The following CTNNA2 variants were observed in gnomAD, a reference collection of about 807,000 sequenced individuals.
CTNNA2 encodes catenin alpha 2, also known as catenin alpha-2.
Under a neutral mutation model 101.0 loss-of-function variants are expected in CTNNA2, and 42 were observed. That is an observed-to-expected ratio of 0.42 (90% CI 0.32 to 0.54). The LOEUF is 0.54. CTNNA2 is among the 20% of genes least tolerant of loss of function. The probability of loss-of-function intolerance (pLI) is 0.14; values close to 1 mark genes in which losing one functional copy is unlikely to be tolerated. For missense variants in CTNNA2, 871 were observed against 1,223.1 expected, an observed-to-expected ratio of 0.71 and a Z score of 4.29; for synonymous variants, 450 against 456.4, an observed-to-expected ratio of 0.99 and a Z score of 0.18.
chr2:79,388,653 G>A (rs1010780912), intron 4 of CTNNA2, among the ~76,000 whole-genome samples: 3 of 152,066 alleles, frequency 2.0e-5, no homozygotes, highest in African/African-American at 7.2e-5. Flanking sequence ...CTACATTGCT[G>A]GGCTCCAGAC....
At chr2:79,669,681 T>C (rs1266454038) in intron 2 of CTNNA2, among the ~76,000 whole-genome samples, 3 of 152,046 alleles carry the variant, frequency 2.0e-5, no homozygotes, top group Admixed American at 2.0e-4. Flanking sequence ...AGAAGGTAGC[T>C]CCTCTCTGCT....
At chr2:79,434,502 A>G (rs984730479) in intron 4 of CTNNA2, among the ~76,000 whole-genome samples, 1 of 152,174 alleles carries the variant, frequency 6.6e-6, no homozygotes, top group Non-Finnish European at 1.5e-5. Flanking sequence ...CTTGATCAAT[A>G]TTATTCCTAA....
intron 9 of CTNNA2, among the ~76,000 whole-genome samples, chr2:80,529,130 A>G (rs1690299091): frequency 6.6e-6 from 1 of 152,196 alleles, no homozygotes; most frequent in Non-Finnish European, 1.5e-5. Context: ...ACACCAGAGT[A>G]GTTTTTATAG....
intron 6 of CTNNA2, among the ~76,000 whole-genome samples, chr2:79,876,909 A>G (rs1215811685): frequency 6.6e-6 from 1 of 152,180 alleles, no homozygotes; most frequent in Non-Finnish European, 1.5e-5. Context: ...ACATGAATAT[A>G]ACCATCAAAC....
intron 4 of CTNNA2, among the ~76,000 whole-genome samples, chr2:79,428,961 G>T (rs1428821533): frequency 6.6e-6 from 1 of 152,120 alleles, no homozygotes; most frequent in African/African-American, 2.4e-5. Context: ...AACCAGCTGG[G>T]AAGGGGCTAG....
At chr2:79,593,132 C>T (rs1005796420) in intron 1 of CTNNA2, among the ~76,000 whole-genome samples, 4 of 152,150 alleles carry the variant, frequency 2.6e-5, no homozygotes, top group African/African-American at 9.7e-5. Flanking sequence ...CATTCTAATT[C>T]CAGCTCCATC....
At chr2:79,631,817 T>C (rs541359612) in intron 1 of CTNNA2, among the ~76,000 whole-genome samples, 34 of 152,314 alleles carry the variant, frequency 2.2e-4, no homozygotes, top group Admixed American at 1.2e-3. Context: ...CCCACTGCCT[T>C]ACTGAAGCAT....
chr2:79,301,470 C>T (rs1381469540), intron 2 of CTNNA2, among the ~76,000 whole-genome samples: 2 of 152,150 alleles, frequency 1.3e-5, no homozygotes, highest in East Asian at 1.9e-4. Context: ...TTACTGTTGG[C>T]CCAAGCCATG....
At chr2:80,214,110 G>T (rs991151490) in intron 7 of CTNNA2, among the ~76,000 whole-genome samples, 5 of 152,174 alleles carry the variant, frequency 3.3e-5, no homozygotes, top group South Asian at 2.1e-4. Context: ...ATGTGTCTCT[G>T]CACATGAGAT....
chr2:80,639,539 GTC>G (rs1553418420), intron 18 of CTNNA2, among the ~76,000 whole-genome samples: 3 of 148,424 alleles, frequency 2.0e-5, no homozygotes, highest in African/African-American at 7.7e-5. Flanking sequence ...GTGTGTGTGT[GTC>G]TGTGTTTTTA....
chr2:80,359,235 A>G (rs1674149420), intron 7 of CTNNA2, among the ~76,000 whole-genome samples: 1 of 152,118 alleles, frequency 6.6e-6, no homozygotes, highest in Non-Finnish European at 1.5e-5. Context: ...ATAAATAAAT[A>G]ATTCCTTCTA....
rs140628648 is a variant in CTNNA2 at position 80,590,538 on chromosome 2, C to T, written c.2189+1053C>T. On this transcript the variant is annotated intron_variant, in intron 15 of 18. Coordinates refer to ENST00000402739, the MANE Select transcript of CTNNA2 (RefSeq NM_001282597.3). ...ATATATGGGAATGTCAAGACATCAT[C>T]TGATGGGTGACAACTTTTTTTAATG... is the stretch of plus-strand genomic sequence containing the variant. 2.0e-5 allele frequency among the ~76,000 whole-genome samples: 3 copies of T among 151,908 alleles called. No individual in the cohort carries two copies. In the South Asian group the frequency reaches 6.2e-4, roughly 32 times the overall value.
chr2:80,446,425 A>G (rs1000420270), intron 9 of CTNNA2, among the ~76,000 whole-genome samples: 3 of 152,250 alleles, frequency 2.0e-5, no homozygotes, highest in African/African-American at 7.2e-5. Flanking sequence ...ACATTGATCT[A>G]TTCAAGTGAT....
At chr2:80,542,204 T>C (rs1691625280) in intron 9 of CTNNA2, among the ~76,000 whole-genome samples, 1 of 152,002 alleles carries the variant, frequency 6.6e-6, no homozygotes, top group African/African-American at 2.4e-5. Context: ...ATTTCCTTGA[T>C]GGTTTCATAA....
intron 4 of CTNNA2, among the ~76,000 whole-genome samples, chr2:79,388,787 T>C (rs1222290148): frequency 6.6e-6 from 1 of 152,094 alleles, no homozygotes; most frequent in Admixed American, 6.6e-5. Context: ...TCTCCTCTTT[T>C]TTTTTTAATT....
chr2:80,266,052 C>A (rs909397793), intron 7 of CTNNA2, among the ~76,000 whole-genome samples: 11 of 152,166 alleles, frequency 7.2e-5, no homozygotes, highest in African/African-American at 2.7e-4. Context: ...TTGAGGGCTT[C>A]AATTTCCCCA....
At chr2:80,207,947 C>T (rs182676482) in intron 7 of CTNNA2, among the ~76,000 whole-genome samples, 1 of 152,042 alleles carries the variant, frequency 6.6e-6, no homozygotes, top group Non-Finnish European at 1.5e-5. Flanking sequence ...GGTGGAGTCA[C>T]AGGAAAAAAG....
intron 7 of CTNNA2, among the ~76,000 whole-genome samples, chr2:80,148,192 G>A (rs1001196967): frequency 2.0e-5 from 3 of 152,054 alleles, no homozygotes; most frequent in African/African-American, 7.2e-5. Context: ...TGAGATGTTC[G>A]GGGATTTCTT....
At chr2:80,246,620 A>G (rs1156704891) in intron 7 of CTNNA2, among the ~76,000 whole-genome samples, 1 of 152,226 alleles carries the variant, frequency 6.6e-6, no homozygotes. Context: ...GATGGTGGTG[A>G]TGATGTCATA....
Sources: gnomAD v4.1 joint callset for allele counts (sites outside exome capture counted in the v4.1 genomes callset) on GRCh38, gnomAD v4.1.1 for gene constraint, MANE v1.5 for transcripts, NCBI Gene and HGNC (gene_info 2026-07-23, HGNC 2026-07-21) for gene names.